Variants in BICC1 observed in about 807,000 individuals in gnomAD.
The protein encoded by BICC1 is protein bicaudal C homolog 1.
Under a neutral mutation model 111.0 loss-of-function variants are expected in BICC1, and 43 were observed. The ratio of observed to expected loss-of-function variants is 0.39; its 90% CI spans 0.30 to 0.50. BICC1 has a LOEUF of 0.50. BICC1 is among the 20% of genes least tolerant of loss of function. BICC1 has a pLI of 0.88. For synonymous variants in BICC1, 467 were observed against 434.4 expected (o/e 1.07, Z -0.93); for missense variants, 1,091 against 1,203.2 (o/e 0.91, Z 1.38).
At chr10:58,609,081 A>AT (rs1215599933) in intron 1 of BICC1, among the ~76,000 whole-genome samples, 4 of 152,236 alleles carry the variant, frequency 2.6e-5, no homozygotes, top group Non-Finnish European at 4.4e-5. Flanking sequence ...GTTATTACAA[A>AT]TACAAAAGAA....
At position 58,542,153 on chromosome 10, in the gene BICC1, A is replaced by AAC. The variant is rs754634138; in HGVS notation, c.190+28821_190+28822insCA. Among the ~76,000 whole-genome samples the AAC allele has an allele frequency of 2.0e-3, 290 of 146,566 alleles. 1 individual carries two copies. Among genetic ancestry groups the AAC allele is most frequent in the South Asian group, 7.6e-3 (36 of 4,736 alleles). On this transcript the variant is annotated intron_variant, in intron 1 of 20. Coordinates refer to ENST00000373886, the MANE Select transcript of BICC1 (RefSeq NM_001080512.3). ...GTGACAGAGCAAGACCCTGTCTCAA[A>AAC]AAAAAAAAAAAAACAAAAAAAAAAA...
chr10:58,778,426 T>A (rs968622847), intron 3 of BICC1, among the ~76,000 whole-genome samples: 1 of 152,118 alleles, frequency 6.6e-6, no homozygotes, highest in African/African-American at 2.4e-5. Context: ...AAAGGTTGAT[T>A]AGCATATATT....
intron 1 of BICC1, among the ~76,000 whole-genome samples, chr10:58,581,817 T>A (rs1844289266): frequency 6.6e-6 from 1 of 152,136 alleles, no homozygotes; most frequent in Non-Finnish European, 1.5e-5. Context: ...AATATGCACA[T>A]GGCAAATTTC....
chr10:58,513,161 G>A lies in BICC1; in HGVS notation c.18G>A (p.Glu6=), dbSNP rs754037030. 6 of 1,551,612 alleles carry A rather than the reference G, an allele frequency of 3.9e-6. No individual in the cohort carries two copies. The Admixed American group carries it at 1.2e-4, about 30-fold the overall frequency. Residue 6 remains glutamate, a synonymous_variant, in exon 1 of 21, where the codon GAG becomes GAA. Transcript: ENST00000373886. ...CGCCCACCATGGCCGCCCAGGGAGAGCCCGGCTACCTGGCGGCGCAGTCGG... is the reference window on the plus strand; with the variant it reads ...CGCCCACCATGGCCGCCCAGGGAGAACCCGGCTACCTGGCGGCGCAGTCGG... MAAQG[E]PGYLAAQSDP...
chr10:58,549,911 C>T lies in BICC1; in HGVS notation c.190+36578C>T, dbSNP rs181519842. The stretch of plus-strand genomic sequence containing the variant: ...CCATGTTGCCCAGACTGGTCTTGAA[C>T]ACCTTTACCTCAGGTGATCCACCTG... On this transcript the variant is annotated intron_variant, in intron 1 of 20. Transcript: ENST00000373886. 1.1e-3 allele frequency among the ~76,000 whole-genome samples: 165 copies of T among 152,084 alleles called. 2 individuals carry two copies. The highest frequency in any genetic ancestry group is 3.8e-3 in the African/African-American group (157 of 41,484).
At position 58,809,368 on chromosome 10, in the gene BICC1, T is replaced by C. The variant is rs540590578; in HGVS notation, c.2376+2210T>C. Among the ~76,000 whole-genome samples the C allele has an allele frequency of 1.1e-4, 17 of 152,226 alleles. No individual in the cohort carries two copies. In the South Asian group the frequency reaches 1.7e-3, roughly 15 times the overall value. ...TTTCATTTTTAAATTTTAATCTATA[T>C]ACTTATTTATTTTGAGACCAGGTTA... On this transcript the variant is annotated intron_variant, in intron 17 of 20. Coordinates refer to ENST00000373886, the MANE Select transcript of BICC1 (RefSeq NM_001080512.3).
At chr10:58,778,327 C>T (rs1842800725) in intron 3 of BICC1, among the ~76,000 whole-genome samples, 1 of 152,010 alleles carries the variant, frequency 6.6e-6, no homozygotes, top group African/African-American at 2.4e-5. Flanking sequence ...GGGATGTTGA[C>T]CCACCACACA....
chr10:58,570,517 G>A (rs544295664), intron 1 of BICC1, among the ~76,000 whole-genome samples: 5 of 152,232 alleles, frequency 3.3e-5, no homozygotes, highest in Admixed American at 2.0e-4. Context: ...TGTTGAAAGA[G>A]GGTGAAGTGA....
intron 1 of BICC1, among the ~76,000 whole-genome samples, chr10:58,581,703 A>G (rs552688016): frequency 2.6e-5 from 4 of 152,282 alleles, no homozygotes; most frequent in Middle Eastern, 3.4e-3. Flanking sequence ...CCTAGACGCA[A>G]TCATACTGTA....
At chr10:58,572,453 A>G (rs918644494) in intron 1 of BICC1, among the ~76,000 whole-genome samples, 3 of 152,058 alleles carry the variant, frequency 2.0e-5, no homozygotes, top group Non-Finnish European at 4.4e-5. Context: ...ACTGATATGG[A>G]CAAGCAGTAC....
chr10:58,693,924 G>C (rs1039970411), intron 2 of BICC1, among the ~76,000 whole-genome samples: 2 of 152,162 alleles, frequency 1.3e-5, no homozygotes, highest in African/African-American at 2.4e-5. Context: ...TTTTAGACAT[G>C]AAGTCCTTGA....
chr10:58,651,525 G>A (rs968483327), intron 2 of BICC1, among the ~76,000 whole-genome samples: 4 of 152,058 alleles, frequency 2.6e-5, no homozygotes, highest in Admixed American at 1.3e-4. Context: ...CCAAAATAGC[G>A]GCCATTCAAG....
At chr10:58,799,780 G>A (rs1843479857) in intron 12 of BICC1, among the ~76,000 whole-genome samples, 1 of 152,054 alleles carries the variant, frequency 6.6e-6, no homozygotes, top group Non-Finnish European at 1.5e-5. Flanking sequence ...AAGTCAGGTA[G>A]TATGATGCCT....
chr10:58,780,038 C>T (rs1220075880), intron 3 of BICC1, among the ~76,000 whole-genome samples: 1 of 152,154 alleles, frequency 6.6e-6, no homozygotes, highest in African/African-American at 2.4e-5. Flanking sequence ...GTTGGAGCTG[C>T]GCCTCAGTGT....
At chr10:58,714,641 A>G (rs1036680998) in intron 3 of BICC1, among the ~76,000 whole-genome samples, 5 of 152,102 alleles carry the variant, frequency 3.3e-5, no homozygotes, top group African/African-American at 9.7e-5. Context: ...TTTGAACACC[A>G]CAATGGTGCT....
rs548278242 is a variant in BICC1, at chr10:58,823,751, G to A, written c.2794+3283G>A. The A allele has an allele frequency of 1.7e-5, 17 of 985,304 alleles. No individual in the cohort carries two copies. In the Admixed American group the frequency reaches 6.2e-4, roughly 36 times the overall value. 61.0% of individuals were successfully genotyped at this position (985,304 alleles called of 1,614,324 possible). A position where few individuals can be genotyped will look rare whatever the true frequency, so the allele number is the denominator to read the frequency against. The stretch of plus-strand genomic sequence containing the variant: ...ATTCCCCCGTGAGAAAATGGAGGCC[G>A]AAGATAGTCCCTAGCTTGAAGATGA... On this transcript the variant is annotated intron_variant, in intron 20 of 20. Transcript: ENST00000373886.
At chr10:58,735,053 A>G (rs1485788403) in intron 3 of BICC1, among the ~76,000 whole-genome samples, 2 of 152,248 alleles carry the variant, frequency 1.3e-5, no homozygotes, top group Admixed American at 6.5e-5. Context: ...ACAGTGAAAA[A>G]TAGTACAAGG....
In BICC1 at chr10:58,829,221, T is replaced by TTTTTTTTA. The variant is rs1371770660; in HGVS notation, c.*331_*332insTTTTTTAT. The TTTTTTTTA allele has an allele frequency of 6.5e-6, 1 of 153,410 alleles. No individual in the cohort carries two copies. Among genetic ancestry groups the TTTTTTTTA allele is most frequent in the African/African-American group, 2.6e-5 (1 of 38,288 alleles). The allele number at this position is 153,410 out of a possible 1,614,324, so 9.5% of individuals were successfully genotyped here. On this transcript the variant is annotated 3_prime_UTR_variant, in exon 21 of 21. Coordinates refer to ENST00000373886, the MANE Select transcript of BICC1 (RefSeq NM_001080512.3). ...TTTTTTTTTTTTTTTTTTTTTTTTT[T>TTTTTTTTA]TACTTAAAATGAAGGATGAATTGAC... is the stretch of plus-strand genomic sequence containing the variant.
chr10:58,670,341 A>G (rs530804529), intron 2 of BICC1, among the ~76,000 whole-genome samples: 17 of 152,232 alleles, frequency 1.1e-4, no homozygotes, highest in Admixed American at 4.6e-4. Context: ...GTAGCATTCA[A>G]TGTGTTTCTA....
Sources: allele counts gnomAD v4.1 joint callset (sites outside exome capture counted in the v4.1 genomes callset), GRCh38; gene constraint gnomAD v4.1.1; transcripts MANE v1.5; gene names NCBI Gene and HGNC (gene_info 2026-07-23, HGNC 2026-07-21).